DCUN1D4: variants seen among roughly 807,000 people sequenced by gnomAD.
DCUN1D4 encodes the protein defective in cullin neddylation 1 domain containing 4.
In DCUN1D4, 22 loss-of-function variants were observed where a neutral mutation model predicts 47.9. The observed-to-expected ratio is 0.46, with a 90% CI of 0.33 to 0.66. The LOEUF (loss-of-function observed/expected upper bound fraction) is 0.66. DCUN1D4 is among the 30% of genes least tolerant of loss of function. DCUN1D4 has a pLI of 0.02. For synonymous variants in DCUN1D4, 121 were observed against 112.2 expected, an observed-to-expected ratio of 1.08 and a Z score of -0.50; for missense variants, 301 against 340.8, an observed-to-expected ratio of 0.88 and a Z score of 0.92.
At chr4:51,899,214 TAAA>T (rs200564413) in intron 7 of DCUN1D4, 53 bp from the exon 8 acceptor site, 3 of 1,494,548 alleles carry the variant, frequency 2.0e-6, no homozygotes, top group African/African-American at 1.4e-5. Context: ...CTGCCTCTAT[TAAA>T]AAAATAAATA....
rs140447056 is a variant in DCUN1D4 at position 51,911,090 on chromosome 4, A to C, written c.636A>C (p.Leu212=). The part of the protein sequence containing the change: ...DFAREKDQRS[L]DINTAKCMLG... ...AACAGGAAAAGGACCAGCGCAGCCT[A>C]GACATAAACACTGCCAAGTGCATGT... is the stretch of plus-strand genomic sequence containing the variant. Residue 212 remains leucine, a synonymous_variant, in exon 9 of 11, where the codon CTA becomes CTC. Coordinates refer to ENST00000334635, the MANE Select transcript of DCUN1D4 (RefSeq NM_001040402.3). 3 of 1,613,614 alleles carry C rather than the reference A, an allele frequency of 1.9e-6. No homozygotes were observed. The highest frequency in any genetic ancestry group is 2.7e-5 in the African/African-American group (2 of 74,878).
chr4:51,899,120 T>C (rs1731720182), intron 7 of DCUN1D4, 150 bp from the exon 8 acceptor site: 2 of 1,333,282 alleles, frequency 1.5e-6, no homozygotes, highest in Non-Finnish European at 1.9e-6. Flanking sequence ...CATTTAAAAT[T>C]TTTTTTAAGT....
intron 8 of DCUN1D4, among the ~76,000 whole-genome samples, chr4:51,900,940 TC>T (rs1040204796): frequency 2.6e-5 from 4 of 152,172 alleles, no homozygotes; most frequent in African/African-American, 9.7e-5. Flanking sequence ...TCTGCTTTAC[TC>T]CTCCCTGGCT....
chr4:51,849,078 C>T lies in DCUN1D4; in HGVS notation c.25+5811C>T, dbSNP rs150592940. ...GGCTTTTAACATATGTCATCTTAGG[C>T]CTCCTCCATATTAGTTTATGATTAG... On this transcript the variant is annotated intron_variant, in intron 1 of 10. Coordinates refer to ENST00000334635, the MANE Select transcript of DCUN1D4 (RefSeq NM_001040402.3). 2.9e-3 allele frequency among the ~76,000 whole-genome samples: 448 copies of T among 152,286 alleles called. 3 individuals are homozygous for T. The highest frequency in any genetic ancestry group is 0.01 in the African/African-American group (420 of 41,544).
chr4:51,881,196 CTAAGAA>C (rs1728550343), intron 5 of DCUN1D4, among the ~76,000 whole-genome samples: 1 of 152,118 alleles, frequency 6.6e-6, no homozygotes, highest in African/African-American at 2.4e-5. Context: ...TGAAATATAT[CTAAGAA>C]TAAGGAATTA....
the DCUN1D4 span, among the ~76,000 whole-genome samples, chr4:51,836,013 C>A: frequency 6.6e-6 from 1 of 152,272 alleles, no homozygotes; most frequent in East Asian, 1.9e-4. Context: ...AACCCACCAG[C>A]CCCCTAACAG....
chr4:51,893,340 C>T (rs1187647961), intron 7 of DCUN1D4, among the ~76,000 whole-genome samples: 11 of 152,134 alleles, frequency 7.2e-5, no homozygotes. Flanking sequence ...TTTGGGGGAA[C>T]ATCTCCTTAT....
upstream of DCUN1D4, among the ~76,000 whole-genome samples, chr4:51,839,411 A>G (rs756135581): frequency 4.6e-5 from 7 of 152,024 alleles, no homozygotes; most frequent in Non-Finnish European, 1.0e-4. Flanking sequence ...AGTTATTAGT[A>G]CTCCACTGTG....
At chr4:51,843,093 C>T (rs1357158365), upstream of DCUN1D4, 59 of 1,421,170 alleles carry the variant, frequency 4.2e-5, no homozygotes, top group Non-Finnish European at 5.3e-5. Flanking sequence ...CCCTGAGCCG[C>T]GGTTTAGCCA....
intron 1 of DCUN1D4, among the ~76,000 whole-genome samples, chr4:51,845,981 A>AT (rs1448978830): frequency 2.0e-5 from 3 of 152,178 alleles, no homozygotes; most frequent in Non-Finnish European, 4.4e-5. Context: ...TAACTCTGGA[A>AT]TTTTTTCTTG....
At chr4:51,849,118 A>C (rs1455320603) in intron 1 of DCUN1D4, among the ~76,000 whole-genome samples, 1 of 152,192 alleles carries the variant, frequency 6.6e-6, no homozygotes, top group Non-Finnish European at 1.5e-5. Context: ...TGTAATGGAC[A>C]CTGTCAGTCC....
intron 3 of DCUN1D4, among the ~76,000 whole-genome samples, chr4:51,873,169 G>C (rs1017687645): frequency 6.6e-6 from 1 of 152,182 alleles, no homozygotes; most frequent in Non-Finnish European, 1.5e-5. Context: ...CTCCCTGAGA[G>C]CCCTGGGCCT....
chr4:51,886,651 T>TA lies in DCUN1D4; in HGVS notation c.414+14dup, dbSNP rs748694313. The TA allele has an allele frequency of 2.3e-5, 37 of 1,610,478 alleles. No homozygotes were observed. The South Asian group carries it at 3.7e-4, about 16-fold the overall frequency. On this transcript the variant is annotated intron_variant, in intron 6 of 10. Coordinates refer to ENST00000334635, the MANE Select transcript of DCUN1D4 (RefSeq NM_001040402.3). Reference sequence around the variant, plus strand: ...TGAACCAGAAAACGTGAGTCAAACTTACTGAGTTGGGTGAATCAGTTGGTT... The same window carrying TA: ...TGAACCAGAAAACGTGAGTCAAACTTAACTGAGTTGGGTGAATCAGTTGGTT...
intron 5 of DCUN1D4, 181 bp downstream of exon 5, chr4:51,878,035 A>G: frequency 2.7e-6 from 1 of 364,552 alleles, no homozygotes; most frequent in Non-Finnish European, 4.9e-6. Flanking sequence ...TTTTATAGCC[A>G]GCAGCTAAGC....
chr4:51,878,678 T>G (rs1441831758), intron 5 of DCUN1D4, among the ~76,000 whole-genome samples: 2 of 152,222 alleles, frequency 1.3e-5, no homozygotes, highest in African/African-American at 4.8e-5. Context: ...ATCTGCAGGA[T>G]AAAAGAGAGT....
chr4:51,875,506 A>C (rs1197172809), intron 4 of DCUN1D4, among the ~76,000 whole-genome samples: 1 of 152,228 alleles, frequency 6.6e-6, no homozygotes, highest in Non-Finnish European at 1.5e-5. Context: ...TTTTTTAAAC[A>C]ACTTTATTTA....
intron 1 of DCUN1D4, among the ~76,000 whole-genome samples, chr4:51,858,621 A>G (rs1326612692): frequency 6.6e-6 from 1 of 152,218 alleles, no homozygotes; most frequent in Non-Finnish European, 1.5e-5. Flanking sequence ...TGAGTTTGAA[A>G]TGCCATTTAA....
chr4:51,913,250 T>TTTAAGTG, intron 9 of DCUN1D4, 40 bp from the exon 10 acceptor site: 1 of 1,307,974 alleles, frequency 7.6e-7, no homozygotes, highest in Non-Finnish European at 1.1e-6. Flanking sequence ...ATTTGTTCAT[T>TTTAAGTG]TTAAGTGTCA....
At chr4:51,877,269 G>A (rs1029970862) in intron 4 of DCUN1D4, among the ~76,000 whole-genome samples, 6 of 152,128 alleles carry the variant, frequency 3.9e-5, no homozygotes, top group Non-Finnish European at 7.3e-5. Flanking sequence ...TTTCCCGGAA[G>A]CTTGGACATG....
Sources: allele counts gnomAD v4.1 joint callset (sites outside exome capture counted in the v4.1 genomes callset), GRCh38; gene constraint gnomAD v4.1.1; transcripts MANE v1.5; gene names NCBI Gene and HGNC (gene_info 2026-07-23, HGNC 2026-07-21).